Variants in PTK6 observed in about 807,000 individuals in gnomAD.
The protein encoded by PTK6 is protein tyrosine kinase 6.
Under a neutral mutation model 47.5 loss-of-function variants are expected in PTK6, and 47 were observed. That is an observed-to-expected ratio of 0.99 (90% confidence interval 0.78 to 1.26). The LOEUF (loss-of-function observed/expected upper bound fraction) is 1.26. Among genes scored for constraint, PTK6 ranks in the 50% most tolerant of loss-of-function variants. PTK6 has a pLI of 0.00. For missense variants in PTK6, 618 were observed against 625.3 expected (o/e 0.99, Z 0.12); for synonymous variants, 287 against 276.5 (o/e 1.04, Z -0.38).
rs947255096 is a variant in PTK6, at chr20:63,533,354, C to A, written c.670+197G>T. Among the ~76,000 whole-genome samples the A allele has an allele frequency of 3.3e-5, 5 of 152,210 alleles. No individual in the cohort carries two copies. Among genetic ancestry groups the A allele is most frequent in the African/African-American group, 1.2e-4 (5 of 41,440 alleles). On this transcript the variant is annotated intron_variant, in intron 4 of 7. Transcript: ENST00000542869. The surrounding 1 kb of genome is among the most constrained non-coding windows in gnomAD (Gnocchi z 4.0). Reference sequence around the variant, plus strand: ...GTGTGGGGATTACAGATGTGAGCCACCGTGCCCGGCCTAAAATTTTCTTTT... The same window carrying A: ...GTGTGGGGATTACAGATGTGAGCCAACGTGCCCGGCCTAAAATTTTCTTTT...
At chr20:63,535,199 A>C in intron 1 of PTK6, 140 bp from the exon 2 acceptor site, 2 of 1,274,492 alleles carry the variant, frequency 1.6e-6, no homozygotes, top group Non-Finnish European at 2.1e-6. Flanking sequence ...AGCTGCTCTC[A>C]GGAGCTGTCG....
intron 5 of PTK6, among the ~76,000 whole-genome samples, chr20:63,531,905 G>A (rs987325911): frequency 1.3e-5 from 2 of 152,196 alleles, no homozygotes; most frequent in Non-Finnish European, 2.9e-5. Flanking sequence ...GGAGCCTTTC[G>A]CTCAGAGCGC....
chr20:63,534,867 C>T, intron 2 of PTK6, 71 bp downstream of exon 2: 1 of 1,514,502 alleles, frequency 6.6e-7, no homozygotes, highest in Non-Finnish European at 8.9e-7. Flanking sequence ...GCCGGGTTCA[C>T]CACGTGGCTG....
At position 63,534,263 on chromosome 20, in the gene PTK6, G is replaced by GC; in HGVS notation, c.404dup (p.Arg136ProfsTer41). 2 of 1,608,700 alleles carry GC rather than the reference G, an allele frequency of 1.2e-6. No homozygotes were observed. Among genetic ancestry groups the GC allele is most frequent in the Non-Finnish European group, 1.7e-6 (2 of 1,178,630 alleles). ...ACACCGCCTCGTTCAGGTGCAGCCGGCCCCCGGCACGCCGCCAGATCTTGT... is the reference window on the plus strand; with the variant it reads ...ACACCGCCTCGTTCAGGTGCAGCCGGCCCCCCGGCACGCCGCCAGATCTTGT... On this transcript the variant is annotated frameshift_variant, in exon 3 of 8. Transcript: ENST00000542869. LOFTEE classifies it high-confidence loss of function.
Position 63,537,216 on chromosome 20 carries a change from G to A in PTK6, c.99C>T (p.Asp33=), listed in dbSNP as rs201488747. The change falls in exon 1 of 8, where the codon GAC becomes GAT. Residue 33 remains aspartate (D), a synonymous_variant. Transcript: ENST00000542869. ...CCTCCTTCCTGGCCACGTGGAAGAC[G>A]TCCCCCGCGCGGAAGCTCAGCTCCT... The part of the protein sequence containing the change: ...TDEELSFRAG[D]VFHVARKEEQ... 14 of 1,612,354 alleles carry A rather than the reference G, an allele frequency of 8.7e-6. No individual in the cohort carries two copies. The highest frequency in any genetic ancestry group is 3.3e-5 in the South Asian group (3 of 90,980).
At position 63,535,032 on chromosome 20, in the gene PTK6, C is replaced by T. The variant is rs148880395; in HGVS notation, c.258G>A (p.Ser86=). The T allele has an allele frequency of 1.0e-4, 164 of 1,605,676 alleles. No homozygotes were observed. The highest frequency in any genetic ancestry group is 6.7e-4 in the Admixed American group (40 of 59,744). The part of the protein sequence containing the change: ...EPWFFGCISR[S]EAVRRLQAEG... Reference sequence around the variant, plus strand: ...CGGCCTGCAGCCGACGCACAGCTTCCGAGCGGGAGATGCAGCCAAAGAACC... The same window carrying T: ...CGGCCTGCAGCCGACGCACAGCTTCTGAGCGGGAGATGCAGCCAAAGAACC... Residue 86 remains serine, a synonymous_variant, in exon 2 of 8, where the codon TCG becomes TCA. Transcript: ENST00000542869.
intron 4 of PTK6, 123 bp from the exon 5 acceptor site, chr20:63,532,810 C>T (rs1285163814): frequency 7.8e-7 from 1 of 1,279,150 alleles, no homozygotes; most frequent in Non-Finnish European, 1.0e-6. Flanking sequence ...GACACACAGA[C>T]CTCCTGCCCC....
chr20:63,535,412 A>ACT (rs1651634742), intron 1 of PTK6, among the ~76,000 whole-genome samples: 1 of 151,894 alleles, frequency 6.6e-6, no homozygotes, highest in African/African-American at 2.4e-5. Flanking sequence ...ACGCTCACAC[A>ACT]CACACAGTCA....
chr20:63,535,626 C>G (rs561784783), intron 1 of PTK6, among the ~76,000 whole-genome samples: 1 of 152,032 alleles, frequency 6.6e-6, no homozygotes, highest in East Asian at 1.9e-4. Context: ...CTTTGTGTGT[C>G]TGACTCCCTC....
rs369669438 is a variant in PTK6, at chr20:63,530,751, T to C, written c.1009A>G (p.Ile337Val). Residue 337 changes from isoleucine to valine, a missense_variant, in exon 6 of 8, where the codon ATC becomes GTC. Transcript: ENST00000542869. This position sits in a 1 kb window ranked among gnomAD's most constrained non-coding sequence, Gnocchi z 4.1. ...ACGCCCTCTGAGGGCCCTACCTTGA[T>C]AAGCCTGGCTAACCCGAAGTCCCCA... ...KVGDFGLARLIKEDVYLSHDH... is the reference protein window; with the variant it reads ...KVGDFGLARLVKEDVYLSHDH... The C allele has an allele frequency of 3.1e-6, 5 of 1,613,566 alleles. No homozygotes were observed. The highest frequency in any genetic ancestry group is 4.2e-6 in the Non-Finnish European group (5 of 1,179,814).
intron 5 of PTK6, among the ~76,000 whole-genome samples, chr20:63,532,270 G>GTGTGA: frequency 8.3e-6 from 1 of 120,024 alleles, no homozygotes; most frequent in African/African-American, 7.8e-5. Context: ...CTATGTGTAT[G>GTGTGA]TCTGTGTGTG....
intron 5 of PTK6, 100 bp downstream of exon 5, chr20:63,532,426 T>C (rs2082632039): frequency 7.1e-7 from 1 of 1,415,032 alleles, no homozygotes; most frequent in East Asian, 2.3e-5. Flanking sequence ...TGTCTGTGTG[T>C]CTACGTGTGT....
At position 63,534,461 on chromosome 20, in the gene PTK6, C is replaced by T; in HGVS notation, c.353-146G>A. The T allele has an allele frequency of 7.4e-6, 8 of 1,079,082 alleles. No individual in the cohort carries two copies. The South Asian group carries it at 1.3e-4, about 18-fold the overall frequency. The allele number at this position is 1,079,082 out of a possible 1,614,324, so 66.8% of individuals were successfully genotyped here. On this transcript the variant is annotated intron_variant, in intron 2 of 7. Transcript: ENST00000542869. The stretch of plus-strand genomic sequence containing the variant: ...TCAGTACCACCCCTGCCTCCCCTCC[C>T]TCAGAACGGCTCCCTCCTGCCCTGC...
intron 5 of PTK6, among the ~76,000 whole-genome samples, chr20:63,531,752 G>A (rs1299507304): frequency 1.3e-5 from 2 of 152,258 alleles, no homozygotes; most frequent in African/African-American, 2.4e-5. Flanking sequence ...GATGTAGGCA[G>A]TGGGAACTCG....
chr20:63,533,670 C>A lies in PTK6; in HGVS notation c.551G>T (p.Trp184Leu). 6.2e-7 allele frequency: 1 copy of A among 1,613,828 alleles called. No individual in the cohort carries two copies. The highest frequency in any genetic ancestry group is 8.5e-7 in the Non-Finnish European group (1 of 1,179,938). Reference protein sequence around the residue: ...EPEPLPHWDDWERPREEFTLC... With the variant: ...EPEPLPHWDDLERPREEFTLC... Reference sequence around the variant, plus strand: ...CGTGAACTCCTCCCTCGGCCTCTCCCAGTCATCCCAATGGGGCAGGGGCTC... The same window carrying A: ...CGTGAACTCCTCCCTCGGCCTCTCCAAGTCATCCCAATGGGGCAGGGGCTC... The change falls in exon 4 of 8, where the codon TGG becomes TTG. Residue 184 changes from tryptophan to leucine, a missense_variant. Trp to Leu is a moderately conservative substitution (Grantham distance 61). Transcript: ENST00000542869. This position sits in a 1 kb window ranked among gnomAD's most constrained non-coding sequence, Gnocchi z 4.0.
At position 63,532,707 on chromosome 20, in the gene PTK6, C is replaced by G. The variant is rs368558438; in HGVS notation, c.671-20G>C. ...GGTTGTCTGCGGGGACGGGTGGCCT[C>G]GGTGGATGCAGCCCCTGACCCCCCA... On this transcript the variant is annotated intron_variant, in intron 4 of 7. Transcript: ENST00000542869. 6.2e-6 allele frequency: 10 copies of G among 1,610,360 alleles called. 1 individual carries two copies. The highest frequency in any genetic ancestry group is 5.0e-5 in the Admixed American group (3 of 59,874).
intron 5 of PTK6, among the ~76,000 whole-genome samples, chr20:63,532,021 C>A (rs557040238): frequency 6.6e-6 from 1 of 152,378 alleles, no homozygotes; most frequent in East Asian, 1.9e-4. Context: ...ACTGCGCCTT[C>A]ACGCACGGGC....
At chr20:63,537,030 C>T in intron 1 of PTK6, 55 bp downstream of exon 1, 1 of 1,522,880 alleles carries the variant, frequency 6.6e-7, no homozygotes, top group Non-Finnish European at 8.9e-7. Context: ...CCTGTCCCTC[C>T]CCTGTGCCTA....
rs1389497399 is a variant in PTK6, at chr20:63,528,495, C to G, written c.*1041G>C. On this transcript the variant is annotated 3_prime_UTR_variant, in exon 8 of 8. Coordinates refer to ENST00000542869, the MANE Select transcript of PTK6 (RefSeq NM_005975.4). ...GATCTCGGCTCACTGCAAGCTCCAC[C>G]TCCCGGGTTCACACCAGTCTGCTGC... The G allele has an allele frequency of 1.3e-5, 2 of 151,632 alleles. No individual in the cohort carries two copies. The highest frequency in any genetic ancestry group is 2.9e-5 in the Non-Finnish European group (2 of 67,946). 9.4% of individuals were successfully genotyped at this position (151,632 alleles called of 1,614,324 possible). A position where few individuals can be genotyped will look rare whatever the true frequency, so the allele number is the denominator to read the frequency against.
Sources: allele counts gnomAD v4.1 joint callset (sites outside exome capture counted in the v4.1 genomes callset), GRCh38; gene constraint gnomAD v4.1.1; non-coding constraint Gnocchi (gnomAD v3.1); transcripts MANE v1.5; gene names NCBI Gene and HGNC (gene_info 2026-07-23, HGNC 2026-07-21).